THSD7A: variants seen among roughly 807,000 people sequenced by gnomAD.
THSD7A encodes the protein thrombospondin type-1 domain-containing protein 7A.
A neutral mutation model predicts 231.3 loss-of-function variants in THSD7A; 96 were observed. That is an observed-to-expected ratio of 0.41 (90% CI 0.35 to 0.49). The LOEUF (loss-of-function observed/expected upper bound fraction) is 0.49, where lower values mean the gene tolerates loss of function less well. Ranked by LOEUF, THSD7A falls within the 20% of genes least tolerant of loss-of-function variation. The pLI is 0.05. For synonymous variants in THSD7A, 940 were observed against 743.3 expected (o/e 1.26, Z -4.30); for missense variants, 2,290 against 2,070.2 (o/e 1.11, Z -2.06).
At chr7:11,777,686 G>A (rs77634771) in intron 1 of THSD7A, among the ~76,000 whole-genome samples, 2,378 of 152,260 alleles carry the variant, frequency 0.016, 53 homozygotes, top group African/African-American at 0.054. Context: ...TATAGCAATG[G>A]ATGAGAGGAA....
At chr7:11,516,556 C>T (rs1179824712) in intron 6 of THSD7A, among the ~76,000 whole-genome samples, 3 of 152,190 alleles carry the variant, frequency 2.0e-5, no homozygotes, top group Non-Finnish European at 2.9e-5. Flanking sequence ...CTTGTTTGTA[C>T]AGCAGTCAAT....
intron 5 of THSD7A, 150 bp downstream of exon 5, chr7:11,542,812 G>A (rs1789208673): frequency 1.2e-6 from 1 of 833,284 alleles, no homozygotes; most frequent in Non-Finnish European, 1.8e-6. Flanking sequence ...TACTATCACT[G>A]GAGAAGGTTA....
intron 1 of THSD7A, among the ~76,000 whole-genome samples, chr7:11,723,426 G>A (rs1781430464): frequency 6.6e-6 from 1 of 151,680 alleles, no homozygotes; most frequent in Non-Finnish European, 1.5e-5. Context: ...GTATACATAT[G>A]TAACAAACCT....
chr7:11,543,053 G>A lies in THSD7A; in HGVS notation c.1518C>T (p.His506=), dbSNP rs867755662. The A allele has an allele frequency of 6.2e-7, 1 of 1,613,872 alleles. No homozygotes were observed. ...CTTCACATTCAGTTGGACAAGGAAT[G>A]TGGCACAGCTGTGTAGTATTAGGGA... ...GPIPNTTQLC[H]IPCPTECEVS... The change falls in exon 5 of 28, where the codon CAC becomes CAT. Residue 506 remains histidine (H), a synonymous_variant. Coordinates refer to ENST00000423059, the MANE Select transcript of THSD7A (RefSeq NM_015204.3).
Position 11,474,821 on chromosome 7 carries a change from A to C in THSD7A, c.2018-253T>G, listed in dbSNP as rs2128302447. Among the ~76,000 whole-genome samples the C allele has an allele frequency of 6.6e-6, 1 of 152,288 alleles. No homozygotes were observed. The highest frequency in any genetic ancestry group is 1.5e-5 in the Non-Finnish European group (1 of 68,016). ...AGTAGGGGAGATAAGGATACAAATG[A>C]GTATAATTCTAGATAGAATGAAATA... is the stretch of plus-strand genomic sequence containing the variant. On this transcript the variant is annotated intron_variant, in intron 7 of 27. Coordinates refer to ENST00000423059, the MANE Select transcript of THSD7A (RefSeq NM_015204.3). The surrounding 1 kb of genome is among the most constrained non-coding windows in gnomAD (Gnocchi z 4.1).
chr7:11,664,614 T>C (rs1388635890), intron 1 of THSD7A, among the ~76,000 whole-genome samples: 1 of 151,958 alleles, frequency 6.6e-6, no homozygotes, highest in East Asian at 1.9e-4. Flanking sequence ...CATAATATCA[T>C]TGTAATCAGC....
chr7:11,503,469 A>C lies in THSD7A; in HGVS notation c.1823-21487T>G, dbSNP rs111907081. 2.2e-3 allele frequency among the ~76,000 whole-genome samples: 336 copies of C among 152,364 alleles called. 5 individuals carry two copies. Among genetic ancestry groups the C allele is most frequent in the African/African-American group, 7.8e-3 (325 of 41,594 alleles). On this transcript the variant is annotated intron_variant, in intron 6 of 27. Transcript: ENST00000423059. ...AAACATTGACAAATGGGATCTAATT[A>C]AACTTAAGAGCTTCTGCAAAGAAAA...
At chr7:11,737,150 G>C (rs1262071699) in intron 1 of THSD7A, among the ~76,000 whole-genome samples, 1 of 151,954 alleles carries the variant, frequency 6.6e-6, no homozygotes, top group African/African-American at 2.4e-5. Flanking sequence ...AGCAGCATGA[G>C]AACAAATGAA....
At chr7:11,654,308 A>G (rs1782627952) in intron 1 of THSD7A, among the ~76,000 whole-genome samples, 1 of 151,980 alleles carries the variant, frequency 6.6e-6, no homozygotes, top group Admixed American at 6.6e-5. Context: ...GATTTGATCA[A>G]TGTTGAGTAT....
intron 5 of THSD7A, among the ~76,000 whole-genome samples, chr7:11,542,225 G>T (rs1789181329): frequency 6.6e-6 from 1 of 152,194 alleles, no homozygotes; most frequent in African/African-American, 2.4e-5. Flanking sequence ...AATATTCAAA[G>T]TCCTGCTTTG....
chr7:11,596,749 G>A (rs1207653982), intron 2 of THSD7A, among the ~76,000 whole-genome samples: 1 of 152,236 alleles, frequency 6.6e-6, no homozygotes, highest in Admixed American at 6.5e-5. Flanking sequence ...AATGACAGTG[G>A]ATTATCGTCA....
rs1460641800 is a variant in THSD7A at position 11,446,173 on chromosome 7, T to C, written c.2952A>G (p.Gly984=). The change falls in exon 13 of 28, where the codon GGA becomes GGG. Residue 984 remains glycine, a synonymous_variant. Coordinates refer to ENST00000423059, the MANE Select transcript of THSD7A (RefSeq NM_015204.3). This position sits in a 1 kb window ranked among gnomAD's most constrained non-coding sequence, Gnocchi z 4.0. ...LPEGKVEVLL[G]MKVQGDIKEC... ...CCTTGATGTCTCCTTGTACTTTCAT[T>C]CCCAGCAACACTTCCACTTTTCCCT... is the stretch of plus-strand genomic sequence containing the variant. 6.2e-7 allele frequency: 1 copy of C among 1,613,450 alleles called. No homozygotes were observed. Among genetic ancestry groups the C allele is most frequent in the Non-Finnish European group, 8.5e-7 (1 of 1,179,668 alleles).
At chr7:11,648,910 G>A (rs1782388364) in intron 1 of THSD7A, among the ~76,000 whole-genome samples, 1 of 151,908 alleles carries the variant, frequency 6.6e-6, no homozygotes, top group South Asian at 2.1e-4. Context: ...ATTTCCAAGT[G>A]CCGTGTATGA....
chr7:11,433,311 A>C (rs1267584609), intron 13 of THSD7A, among the ~76,000 whole-genome samples: 1 of 152,070 alleles, frequency 6.6e-6, no homozygotes, highest in Admixed American at 6.6e-5. Flanking sequence ...CTGAGGCAGT[A>C]AATTAATTGA....
chr7:11,776,270 A>G (rs1783402831), intron 1 of THSD7A, among the ~76,000 whole-genome samples: 1 of 152,242 alleles, frequency 6.6e-6, no homozygotes, highest in Non-Finnish European at 1.5e-5. Context: ...AATTTGTAGA[A>G]GTAGCTATTC....
intron 1 of THSD7A, among the ~76,000 whole-genome samples, chr7:11,732,226 A>G (rs1187349437): frequency 3.3e-5 from 5 of 151,780 alleles, no homozygotes; most frequent in Non-Finnish European, 7.4e-5. Context: ...TCCACACAAC[A>G]CCCTTTGGTT....
chr7:11,409,530 C>T (rs796801596), intron 19 of THSD7A, among the ~76,000 whole-genome samples: 18 of 152,276 alleles, frequency 1.2e-4, no homozygotes, highest in African/African-American at 2.9e-4. Flanking sequence ...ATCAAGAATT[C>T]GGTTTCCAGC....
At chr7:11,384,951 T>A (rs1383110761) in intron 23 of THSD7A, 2 of 152,002 alleles carry the variant, frequency 1.3e-5, no homozygotes, top group African/African-American at 4.8e-5. Flanking sequence ...GGGCTTTTTA[T>A]TCATAAACAT....
At chr7:11,509,823 A>AAAAAAAAAAAATAAAAT (rs1554326848) in intron 6 of THSD7A, among the ~76,000 whole-genome samples, 1 of 141,732 alleles carries the variant, frequency 7.1e-6, no homozygotes, top group African/African-American at 2.7e-5. Context: ...GTCCGTCTCA[A>AAAAAAAAAAAATAAAAT]AAAAAAAAAA....
Sources: allele counts gnomAD v4.1 joint callset (sites outside exome capture counted in the v4.1 genomes callset), GRCh38; gene constraint gnomAD v4.1.1; non-coding constraint Gnocchi (gnomAD v3.1); transcripts MANE v1.5; gene names NCBI Gene and HGNC (gene_info 2026-07-23, HGNC 2026-07-21).